Variants in NBAS observed in about 807,000 individuals in gnomAD.
NBAS encodes the protein NAG/BC035112 fusion.
In NBAS, 219 loss-of-function variants were observed where a neutral mutation model predicts 302.5. That is an observed-to-expected ratio of 0.72 (90% confidence interval 0.65 to 0.81). The LOEUF (loss-of-function observed/expected upper bound fraction) is 0.81. NBAS is among the 30% of genes least tolerant of loss of function. NBAS has a pLI of 0.00. For synonymous variants in NBAS, 1,118 were observed against 1,021.6 expected, an observed-to-expected ratio of 1.09 and a Z score of -1.80; for missense variants, 2,932 against 2,841.6, an observed-to-expected ratio of 1.03 and a Z score of -0.72.
chr2:15,185,515 T>C (rs183297541), intron 50 of NBAS, among the ~76,000 whole-genome samples: 4 of 152,266 alleles, frequency 2.6e-5, no homozygotes, highest in East Asian at 1.9e-4. Flanking sequence ...TGAGTCCCCA[T>C]ACTACACAGT....
At chr2:15,129,471 C>CT in the NBAS span, among the ~76,000 whole-genome samples, 1 of 152,212 alleles carries the variant, frequency 6.6e-6, no homozygotes, top group Non-Finnish European at 1.5e-5. Context: ...CCCCGCCTCC[C>CT]TTATGTGCCA....
chr2:15,059,970 A>C, the NBAS span, among the ~76,000 whole-genome samples: 1 of 43,876 alleles, frequency 2.3e-5, no homozygotes, highest in Non-Finnish European at 3.8e-5. Flanking sequence ...AAAACAAAAA[A>C]AAAAACAAAA....
chr2:15,190,223 C>A, intron 49 of NBAS, 41 bp downstream of exon 49: 2 of 1,610,826 alleles, frequency 1.2e-6, no homozygotes, highest in Non-Finnish European at 1.7e-6. Flanking sequence ...AAAGTCCAAA[C>A]AAAAGAACTC....
chr2:15,190,890 T>C (rs868600911), intron 48 of NBAS, among the ~76,000 whole-genome samples: 53 of 152,216 alleles, frequency 3.5e-4, no homozygotes, highest in Admixed American at 3.3e-3. Context: ...TTTTTTGCTA[T>C]AAATCAAAAT....
intron 31 of NBAS, among the ~76,000 whole-genome samples, chr2:15,369,462 G>A (rs1018727005): frequency 6.6e-6 from 1 of 152,182 alleles, no homozygotes; most frequent in Admixed American, 6.5e-5. Context: ...TAAATTTGGA[G>A]AGCAGAAGTC....
chr2:14,813,860 C>T, the NBAS span, among the ~76,000 whole-genome samples: 4 of 152,148 alleles, frequency 2.6e-5, no homozygotes, highest in Non-Finnish European at 5.9e-5. Context: ...GGCAGCCCCT[C>T]GCATCACAGT....
chr2:14,984,417 A>G, the NBAS span, among the ~76,000 whole-genome samples: 1 of 152,238 alleles, frequency 6.6e-6, no homozygotes, highest in South Asian at 2.1e-4. Flanking sequence ...AGTCAGTGTA[A>G]AACAAATGAA....
chr2:14,854,295 A>G, the NBAS span, among the ~76,000 whole-genome samples: 1 of 151,850 alleles, frequency 6.6e-6, no homozygotes, highest in African/African-American at 2.4e-5. Flanking sequence ...AATAAAACCC[A>G]AAATTAGTAA....
chr2:15,124,344 G>C, the NBAS span, among the ~76,000 whole-genome samples: 1 of 152,300 alleles, frequency 6.6e-6, no homozygotes, highest in Non-Finnish European at 1.5e-5. Context: ...CCTACAATCA[G>C]AGGAGGGAGC....
intron 48 of NBAS, among the ~76,000 whole-genome samples, chr2:15,207,503 G>T (rs1313450825): frequency 6.6e-6 from 1 of 152,136 alleles, no homozygotes; most frequent in Non-Finnish European, 1.5e-5. Context: ...AAAGTGAAAG[G>T]GATAAGAGAT....
At chr2:14,785,174 C>T in the NBAS span, among the ~76,000 whole-genome samples, 1 of 152,082 alleles carries the variant, frequency 6.6e-6, no homozygotes, top group Non-Finnish European at 1.5e-5. Flanking sequence ...GATTTTGTAT[C>T]CTGAGACTTT....
chr2:14,998,600 G>T, the NBAS span, among the ~76,000 whole-genome samples: 32 of 152,312 alleles, frequency 2.1e-4, no homozygotes, highest in African/African-American at 7.0e-4. Context: ...CCAGTATCAG[G>T]CTACTCTGGG....
At chr2:14,798,663 T>G in the NBAS span, among the ~76,000 whole-genome samples, 1 of 152,128 alleles carries the variant, frequency 6.6e-6, no homozygotes, top group East Asian at 1.9e-4. Context: ...TATTTTTTCC[T>G]TTAACATTTG....
chr2:15,074,832 G>A, the NBAS span, among the ~76,000 whole-genome samples: 1 of 152,072 alleles, frequency 6.6e-6, no homozygotes, highest in Non-Finnish European at 1.5e-5. Context: ...CACCACATAT[G>A]GATAGAATTA....
At chr2:15,161,123 G>A in the NBAS span, among the ~76,000 whole-genome samples, 1 of 152,148 alleles carries the variant, frequency 6.6e-6, no homozygotes, top group African/African-American at 2.4e-5. Flanking sequence ...AGAATGATGT[G>A]AGTTCAAATC....
intron 51 of NBAS, among the ~76,000 whole-genome samples, chr2:15,174,985 A>T (rs1394447966): frequency 6.6e-6 from 1 of 151,966 alleles, no homozygotes; most frequent in African/African-American, 2.4e-5. Context: ...TTATTTATTT[A>T]TTTTTTTGAG....
the NBAS span, among the ~76,000 whole-genome samples, chr2:14,985,881 C>T: frequency 6.6e-6 from 1 of 152,126 alleles, no homozygotes; most frequent in Non-Finnish European, 1.5e-5. Flanking sequence ...AGGGTGTTTA[C>T]ATGTCATATA....
rs79575180 is a variant in NBAS, at chr2:15,504,092, T to A, written c.954+53A>T. The A allele has an allele frequency of 3.4e-6, 5 of 1,458,564 alleles. No homozygotes were observed. In the African/African-American group the frequency reaches 5.6e-5, roughly 16 times the overall value. The allele number at this position is 1,458,564 out of a possible 1,614,324, so 90.4% of individuals were successfully genotyped here. A position where few individuals can be genotyped will look rare whatever the true frequency, so the allele number is the denominator to read the frequency against. On this transcript the variant is annotated intron_variant, in intron 11 of 51. Transcript: ENST00000281513. Reference sequence around the variant, plus strand: ...CATTCAGCTTTGACCTTAAAGGTACTTCAGGGTAAAAATGTTTGAGAAGCC... The same window carrying A: ...CATTCAGCTTTGACCTTAAAGGTACATCAGGGTAAAAATGTTTGAGAAGCC...
At chr2:14,852,608 C>T in the NBAS span, among the ~76,000 whole-genome samples, 2 of 128,168 alleles carry the variant, frequency 1.6e-5, no homozygotes, top group East Asian at 4.3e-4. Flanking sequence ...GAGCCCGCAC[C>T]GCCAAGTCAA....
Sources: gnomAD v4.1 joint callset for allele counts (sites outside exome capture counted in the v4.1 genomes callset) on GRCh38, gnomAD v4.1.1 for gene constraint, MANE v1.5 for transcripts, NCBI Gene and HGNC (gene_info 2026-07-23, HGNC 2026-07-21) for gene names.